HOOK2: variants seen among roughly 807,000 people sequenced by gnomAD.
HOOK2 encodes the protein protein Hook homolog 2.
In HOOK2, 108 loss-of-function variants were observed where a neutral mutation model predicts 111.9. That is an observed-to-expected ratio of 0.96 (90% CI 0.83 to 1.13). HOOK2 has a LOEUF of 1.13. HOOK2 is among the 50% of genes most tolerant of loss of function. HOOK2 has a pLI of 0.00. For missense variants in HOOK2, 978 were observed against 951.3 expected, an observed-to-expected ratio of 1.03 and a Z score of -0.37; for synonymous variants, 405 against 394.3, an observed-to-expected ratio of 1.03 and a Z score of -0.32.
At chr19:12,777,384 G>A (rs985539591), upstream of HOOK2, among the ~76,000 whole-genome samples, 20 of 151,954 alleles carry the variant, frequency 1.3e-4, no homozygotes, top group African/African-American at 4.8e-4. Context: ...AGAGGCTGAG[G>A]TGGGAGGATC....
intron 10 of HOOK2, among the ~76,000 whole-genome samples, chr19:12,770,306 T>G (rs1599489707): frequency 6.7e-6 from 1 of 149,794 alleles, no homozygotes; most frequent in Non-Finnish European, 1.5e-5. Flanking sequence ...TCCCCTGGGG[T>G]GGAATTGTGG....
intron 3 of HOOK2, chr19:12,787,250 C>A (rs1284085504): frequency 6.6e-6 from 1 of 152,204 alleles, no homozygotes; most frequent in Non-Finnish European, 1.5e-5. Flanking sequence ...GCTGGAACTA[C>A]AGGCACACCC....
chr19:12,764,511 G>A, intron 20 of HOOK2: 2 of 300,656 alleles, frequency 6.7e-6, no homozygotes, highest in South Asian at 1.0e-4. Flanking sequence ...TGTATTTTTA[G>A]TAGAGATGGG....
intron 20 of HOOK2, among the ~76,000 whole-genome samples, chr19:12,764,097 T>C (rs1482435263): frequency 6.6e-6 from 1 of 151,998 alleles, no homozygotes; most frequent in East Asian, 1.9e-4. Context: ...TCACTGCAAC[T>C]TTTGCCTCCC....
chr19:12,779,820 T>G (rs2145792251), upstream of HOOK2, among the ~76,000 whole-genome samples: 1 of 152,174 alleles, frequency 6.6e-6, no homozygotes, highest in South Asian at 2.1e-4. Context: ...GAGGGGAAAT[T>G]TGTAACATCC....
intron 3 of HOOK2, chr19:12,773,298 G>A: frequency 2.2e-6 from 1 of 455,942 alleles, no homozygotes; most frequent in Non-Finnish European, 3.9e-6. Context: ...CACCCAGGCT[G>A]GAGTGCAGTG....
Position 12,774,889 on chromosome 19 carries a change from C to T in HOOK2, c.54G>A (p.Thr18=). The T allele has an allele frequency of 6.2e-6, 10 of 1,613,816 alleles. No individual in the cohort carries two copies. The highest frequency in any genetic ancestry group is 8.5e-6 in the Non-Finnish European group (10 of 1,179,850). The stretch of plus-strand genomic sequence containing the variant: ...TGGCACAGGGAGACGGAACGTGGAA[C>T]GTCTGTAACTGAGGGGTAAAGGAAA... ...LCGSLLTWLQ[T]FHVPSPCASP... Residue 18 remains threonine (T), a synonymous_variant, in exon 2 of 23, where the codon ACG becomes ACA. Coordinates refer to ENST00000397668, the MANE Select transcript of HOOK2 (RefSeq NM_013312.3).
In HOOK2 at chr19:12,772,841, T is replaced by C; in HGVS notation, c.327A>G (p.Ala109=). 6.2e-7 allele frequency: 1 copy of C among 1,614,238 alleles called. No individual in the cohort carries two copies. The highest frequency in any genetic ancestry group is 8.5e-7 in the Non-Finnish European group (1 of 1,180,044). ...CCAGCTGAAGCAGCTTGCCGAGCTCTGCCGGGTCTGAGAACTCTCCAATGA... is the reference window on the plus strand; with the variant it reads ...CCAGCTGAAGCAGCTTGCCGAGCTCCGCCGGGTCTGAGAACTCTCCAATGA... ...VSLIGEFSDP[A]ELGKLLQLVL... Residue 109 remains alanine, a synonymous_variant, in exon 5 of 23, where the codon GCA becomes GCG. Coordinates refer to ENST00000397668, the MANE Select transcript of HOOK2 (RefSeq NM_013312.3).
At chr19:12,765,243 C>G in intron 18 of HOOK2, 162 bp from the exon 19 acceptor site, 1 of 684,372 alleles carries the variant, frequency 1.5e-6, no homozygotes, top group Non-Finnish European at 2.5e-6. Context: ...CCTGGTCCCA[C>G]CGGCTCCACA....
upstream of HOOK2, among the ~76,000 whole-genome samples, chr19:12,775,870 A>ATTTTTT (rs1968492759): frequency 1.0e-4 from 13 of 128,064 alleles, no homozygotes; most frequent in African/African-American, 2.2e-4. Context: ...ACTTAAGTAA[A>ATTTTTT]TTCTTTTTTT....
At chr19:12,771,101 G>C (rs369332065) in intron 9 of HOOK2, 29 bp from the exon 10 acceptor site, 5 of 1,611,508 alleles carry the variant, frequency 3.1e-6, no homozygotes, top group Non-Finnish European at 4.2e-6. Flanking sequence ...GAGCACATGA[G>C]GGGGCTGCCC....
chr19:12,778,625 C>G (rs1968566516), upstream of HOOK2, among the ~76,000 whole-genome samples: 1 of 152,190 alleles, frequency 6.6e-6, no homozygotes, highest in Non-Finnish European at 1.5e-5. Flanking sequence ...ACAGCTGTTA[C>G]AAGCATGGGT....
upstream of HOOK2, among the ~76,000 whole-genome samples, chr19:12,781,098 C>A (rs1233969250): frequency 6.7e-6 from 1 of 148,634 alleles, no homozygotes; most frequent in Non-Finnish European, 1.5e-5. Flanking sequence ...TTCAGGAGAT[C>A]GAGACCATCC....
chr19:12,791,575 A>T lies in HOOK2; in HGVS notation n.42-17350T>A, dbSNP rs17883538. On this transcript the variant is annotated intron_variant and non_coding_transcript_variant, in intron 3 of 3. Coordinates refer to the HOOK2 transcript ENST00000589765. This position sits in a 1 kb window ranked among gnomAD's most constrained non-coding sequence, Gnocchi z 7.0. ...CGCCAGGAAAGCTATCGCGCCAGAGAGGGCGACGGGGGCTCGGGAAGCCTG... is the reference window on the plus strand; with the variant it reads ...CGCCAGGAAAGCTATCGCGCCAGAGTGGGCGACGGGGGCTCGGGAAGCCTG... The T allele has an allele frequency of 6.6e-3, 3,350 of 506,006 alleles. 103 individuals carry two copies. Among genetic ancestry groups the T allele is most frequent in the African/African-American group, 0.062 (3,027 of 48,922 alleles). The allele number at this position is 506,006 out of a possible 1,614,324, so 31.3% of individuals were successfully genotyped here. A position where few individuals can be genotyped will look rare whatever the true frequency, so the allele number is the denominator to read the frequency against.
At chr19:12,779,803 A>AC, upstream of HOOK2, among the ~76,000 whole-genome samples, 1 of 148,928 alleles carries the variant, frequency 6.7e-6, no homozygotes, top group Non-Finnish European at 1.5e-5. Flanking sequence ...GGTTTCGGGG[A>AC]CTGGGGGAGG....
intron 13 of HOOK2, 41 bp from the exon 14 acceptor site, chr19:12,767,505 C>G: frequency 6.7e-7 from 1 of 1,493,380 alleles, no homozygotes; most frequent in Non-Finnish European, 9.3e-7. Context: ...CTTCGCATCC[C>G]CTGTCCCCGC....
In HOOK2 at chr19:12,766,004, G is replaced by C; in HGVS notation, c.1522C>G (p.Gln508Glu). Residue 508 changes from glutamine to glutamate, a missense_variant, in exon 16 of 23, where the codon CAG (glutamine) becomes GAG (glutamate). By Grantham distance (29) the Gln-to-Glu change is conservative (BLOSUM62 2). Transcript: ENST00000397668. ...GLETQHRLNQ[Q>E]QLSELRAQVE... ...TGGGCCCGCAGCTCGGATAGCTGCTGCTGGTTCAGCCTGCGAGGGTGGGGG... is the reference window on the plus strand; with the variant it reads ...TGGGCCCGCAGCTCGGATAGCTGCTCCTGGTTCAGCCTGCGAGGGTGGGGG... The C allele has an allele frequency of 6.2e-7, 1 of 1,613,722 alleles. No homozygotes were observed. The highest frequency in any genetic ancestry group is 8.5e-7 in the Non-Finnish European group (1 of 1,179,998).
At chr19:12,764,767 G>C in intron 20 of HOOK2, 47 bp downstream of exon 20, 2 of 1,553,340 alleles carry the variant, frequency 1.3e-6, no homozygotes, top group Non-Finnish European at 1.8e-6. Context: ...GGCACAAAAA[G>C]TAAGAAGCCA....
rs371693051 is a variant in HOOK2 at position 12,764,911 on chromosome 19, C to T, written c.1730G>A (p.Arg577Gln). Residue 577 changes from arginine to glutamine, a missense_variant, in exon 20 of 23, where the codon CGG (arginine) becomes CAG (glutamine). Transcript: ENST00000397668. Reference sequence around the variant, plus strand: ...GTTATGCTGCAGCTCCTCGATCCGCCGGGCTGCTGGCGGAAGAGGTGGCCC... The same window carrying T: ...GTTATGCTGCAGCTCCTCGATCCGCTGGGCTGCTGGCGGAAGAGGTGGCCC... ...LEPPTDSSTA[R>Q]RIEELQHNLQ... 4.4e-5 allele frequency: 71 copies of T among 1,614,034 alleles called. No individual in the cohort carries two copies. Among genetic ancestry groups the T allele is most frequent in the African/African-American group, 5.3e-5 (4 of 74,928 alleles).
Sources: allele counts gnomAD v4.1 joint callset (sites outside exome capture counted in the v4.1 genomes callset), GRCh38; gene constraint gnomAD v4.1.1; non-coding constraint Gnocchi (gnomAD v3.1); transcripts MANE v1.5; gene names NCBI Gene and HGNC (gene_info 2026-07-23, HGNC 2026-07-21).